The following NCKAP5 variants were observed in gnomAD, a reference collection of about 807,000 sequenced individuals.
The protein encoded by NCKAP5 is NCK associated protein 5.
NCKAP5 carries 92 observed loss-of-function variants against 167.0 expected under a neutral mutation model. The ratio of observed to expected loss-of-function variants is 0.55; its 90% CI spans 0.47 to 0.66. NCKAP5 has a LOEUF of 0.66. Ranked by LOEUF, NCKAP5 falls within the 30% of genes least tolerant of loss-of-function variation. NCKAP5 has a pLI of 0.00. For synonymous variants in NCKAP5, 891 were observed against 877.4 expected, an observed-to-expected ratio of 1.02 and a Z score of -0.27; for missense variants, 2,378 against 2,315.0, an observed-to-expected ratio of 1.03 and a Z score of -0.56.
intron 4 of NCKAP5, among the ~76,000 whole-genome samples, chr2:133,236,485 C>T (rs573004663): frequency 6.6e-6 from 1 of 152,252 alleles, no homozygotes; most frequent in African/African-American, 2.4e-5. Flanking sequence ...TTTTACCTAC[C>T]TATAAGTAAA....
At chr2:133,241,622 C>T (rs1052998246) in intron 4 of NCKAP5, among the ~76,000 whole-genome samples, 9 of 152,036 alleles carry the variant, frequency 5.9e-5, no homozygotes, top group Non-Finnish European at 8.8e-5. Context: ...GAGGAGTAAA[C>T]GGCATTTCCT....
chr2:133,471,097 C>T (rs529607432), intron 3 of NCKAP5, among the ~76,000 whole-genome samples: 50 of 152,338 alleles, frequency 3.3e-4, no homozygotes, highest in Non-Finnish European at 5.6e-4. Context: ...AGTCATTCCA[C>T]AAGAAACTCG....
At chr2:133,264,092 T>C (rs1187691475) in intron 4 of NCKAP5, among the ~76,000 whole-genome samples, 1 of 152,206 alleles carries the variant, frequency 6.6e-6, no homozygotes, top group Non-Finnish European at 1.5e-5. Flanking sequence ...AGCCCCAGGA[T>C]GGAGTTTCTC....
chr2:133,189,481 A>C (rs1186833897), intron 5 of NCKAP5, among the ~76,000 whole-genome samples: 3 of 152,292 alleles, frequency 2.0e-5, no homozygotes, highest in South Asian at 4.1e-4. Flanking sequence ...GACACAACAA[A>C]AAAAGAGAAT....
the NCKAP5 span, among the ~76,000 whole-genome samples, chr2:133,607,114 T>C: frequency 2.0e-5 from 3 of 152,234 alleles, no homozygotes; most frequent in Non-Finnish European, 4.4e-5. Flanking sequence ...GCTCTTACAA[T>C]TTATTACATC....
At chr2:133,353,237 G>A (rs960136698) in intron 3 of NCKAP5, among the ~76,000 whole-genome samples, 1 of 152,210 alleles carries the variant, frequency 6.6e-6, no homozygotes, top group African/African-American at 2.4e-5. Context: ...TCACCAAAAG[G>A]CATGAAGGAC....
At chr2:133,523,654 C>T (rs959554171) in intron 2 of NCKAP5, among the ~76,000 whole-genome samples, 12 of 152,246 alleles carry the variant, frequency 7.9e-5, no homozygotes, top group African/African-American at 2.2e-4. Context: ...AGATGTTTTC[C>T]GGTCAGCTTC....
chr2:133,253,835 A>C (rs1423846165), intron 4 of NCKAP5, among the ~76,000 whole-genome samples: 1 of 152,210 alleles, frequency 6.6e-6, no homozygotes, highest in African/African-American at 2.4e-5. Flanking sequence ...CCACTGAAGG[A>C]CCCATGCCAG....
intron 16 of NCKAP5, among the ~76,000 whole-genome samples, chr2:132,758,717 G>T (rs960313149): frequency 1.3e-5 from 2 of 152,082 alleles, no homozygotes; most frequent in African/African-American, 2.4e-5. Flanking sequence ...TGCTCCAAAG[G>T]TAGACAGGAA....
rs368049987 is a variant in NCKAP5 at position 132,995,698 on chromosome 2, G to A, written c.342-1459C>T. ...AACAAACAAAAAACATTTTTGTCTG[G>A]GCACGGTGGGTCACCCCTATAATCC... On this transcript the variant is annotated intron_variant, in intron 6 of 19. Transcript: ENST00000409261. 9.3e-4 allele frequency among the ~76,000 whole-genome samples: 141 copies of A among 151,070 alleles called. 1 individual carries two copies. The highest frequency in any genetic ancestry group is 9.1e-4 in the Non-Finnish European group (62 of 67,846).
chr2:133,636,563 A>C, the NCKAP5 span, among the ~76,000 whole-genome samples: 3 of 152,216 alleles, frequency 2.0e-5, no homozygotes, highest in African/African-American at 7.2e-5. Context: ...AGTGAATAGG[A>C]GCATTTCTGC....
intron 6 of NCKAP5, among the ~76,000 whole-genome samples, chr2:133,041,189 A>AT (rs1389550125): frequency 6.6e-6 from 1 of 152,160 alleles, no homozygotes; most frequent in Admixed American, 6.6e-5. Flanking sequence ...TCTCTCTGAT[A>AT]TGCTTTGGAA....
intron 5 of NCKAP5, among the ~76,000 whole-genome samples, chr2:133,151,193 T>C (rs1224207863): frequency 1.3e-5 from 2 of 152,170 alleles, no homozygotes; most frequent in Non-Finnish European, 2.9e-5. Flanking sequence ...AAAAGTTTTT[T>C]TAAAAAAACA....
At chr2:133,101,772 A>G (rs1260345880) in intron 6 of NCKAP5, among the ~76,000 whole-genome samples, 1 of 152,260 alleles carries the variant, frequency 6.6e-6, no homozygotes, top group Non-Finnish European at 1.5e-5. Context: ...TGTAATTGAA[A>G]GACTGTTCCA....
At chr2:132,949,417 C>T (rs1286165359) in intron 8 of NCKAP5, among the ~76,000 whole-genome samples, 1 of 152,144 alleles carries the variant, frequency 6.6e-6, no homozygotes, top group East Asian at 1.9e-4. Flanking sequence ...GCCCCTGTGC[C>T]CCAGAGCCTG....
chr2:133,184,408 A>C (rs2084858379), intron 5 of NCKAP5, among the ~76,000 whole-genome samples: 1 of 152,176 alleles, frequency 6.6e-6, no homozygotes, highest in Non-Finnish European at 1.5e-5. Context: ...CGTTATTGTG[A>C]ATAGTGCTGT....
chr2:132,690,459 AT>A (rs1249128554), intron 19 of NCKAP5, among the ~76,000 whole-genome samples: 1 of 152,170 alleles, frequency 6.6e-6, no homozygotes, highest in Non-Finnish European at 1.5e-5. Flanking sequence ...TCAATGTTTA[AT>A]ATTAGAAGTG....
chr2:133,108,121 T>C (rs950394510), intron 6 of NCKAP5, among the ~76,000 whole-genome samples: 2 of 152,232 alleles, frequency 1.3e-5, no homozygotes, highest in African/African-American at 2.4e-5. Flanking sequence ...GTTTGCTGTT[T>C]TCTGTGATCC....
At chr2:132,830,373 T>C (rs1276418336) in intron 11 of NCKAP5, among the ~76,000 whole-genome samples, 1 of 151,778 alleles carries the variant, frequency 6.6e-6, no homozygotes, top group Non-Finnish European at 1.5e-5. Flanking sequence ...GTGATTATGC[T>C]CAGAGTCTAA....
Sources: allele counts gnomAD v4.1 joint callset (sites outside exome capture counted in the v4.1 genomes callset), GRCh38; gene constraint gnomAD v4.1.1; transcripts MANE v1.5; gene names NCBI Gene and HGNC (gene_info 2026-07-23, HGNC 2026-07-21).